The following BMPER variants were observed in gnomAD, a reference collection of about 807,000 sequenced individuals.
The protein encoded by BMPER is BMP-binding endothelial regulator protein.
BMPER carries 45 observed loss-of-function variants against 87.3 expected under a neutral mutation model. That is an observed-to-expected ratio of 0.52 (90% CI 0.41 to 0.66). The LOEUF (loss-of-function observed/expected upper bound fraction) is 0.66. Ranked by LOEUF, BMPER falls within the 30% of genes least tolerant of loss-of-function variation. The pLI is 0.00. For missense variants in BMPER, 784 were observed against 867.5 expected (o/e 0.90, Z 1.21); for synonymous variants, 326 against 316.2 (o/e 1.03, Z -0.33).
At chr7:34,085,461 A>C (rs578093474) in intron 12 of BMPER, among the ~76,000 whole-genome samples, 1 of 152,322 alleles carries the variant, frequency 6.6e-6, no homozygotes, top group East Asian at 1.9e-4. Context: ...TATAAACCCT[A>C]GAATAGGATG....
intron 6 of BMPER, among the ~76,000 whole-genome samples, chr7:34,024,371 A>AAC (rs1562695063): frequency 2.0e-5 from 2 of 98,088 alleles, no homozygotes; most frequent in Non-Finnish European, 3.7e-5. Flanking sequence ...AAAAAAAAAA[A>AAC]AAAAAAAAAA....
chr7:33,994,475 T>C lies in BMPER; in HGVS notation c.576+19691T>C, dbSNP rs375743323. Among the ~76,000 whole-genome samples, 437 of 152,274 alleles carry C rather than the reference T, an allele frequency of 2.9e-3. 3 individuals carry two copies. The highest frequency in any genetic ancestry group is 1.0e-2 in the African/African-American group (414 of 41,558). On this transcript the variant is annotated intron_variant, in intron 6 of 14. Coordinates refer to ENST00000649409, the MANE Select transcript of BMPER (RefSeq NM_001365308.1). Reference sequence around the variant, plus strand: ...AGTGAGGCAATGCCTCACCCTGCTTTGGCTCGCGCATGGTGCGCACACCCA... The same window carrying C: ...AGTGAGGCAATGCCTCACCCTGCTTCGGCTCGCGCATGGTGCGCACACCCA...
At chr7:33,928,002 C>T (rs946978190) in intron 2 of BMPER, among the ~76,000 whole-genome samples, 1 of 152,168 alleles carries the variant, frequency 6.6e-6, no homozygotes, top group Non-Finnish European at 1.5e-5. Context: ...AGGAAGCAGC[C>T]TGGCCTCCTG....
chr7:34,083,956 G>T (rs1338305578), intron 12 of BMPER, among the ~76,000 whole-genome samples: 2 of 146,842 alleles, frequency 1.4e-5, no homozygotes, highest in Non-Finnish European at 1.5e-5. Flanking sequence ...GCTCAAAACA[G>T]GCAAAATGAA....
At chr7:33,970,443 C>T in intron 5 of BMPER, 24 bp downstream of exon 5, 1 of 1,601,600 alleles carries the variant, frequency 6.2e-7, no homozygotes, top group Non-Finnish European at 8.6e-7. Context: ...GAAGGGGAGG[C>T]TGGAAATCTC....
chr7:33,997,990 C>T (rs2127932892), intron 6 of BMPER, among the ~76,000 whole-genome samples: 1 of 152,278 alleles, frequency 6.6e-6, no homozygotes, highest in South Asian at 2.1e-4. Context: ...TGCTGATGTG[C>T]TTTTTTCATT....
At chr7:34,027,554 C>T (rs1404870365) in intron 6 of BMPER, among the ~76,000 whole-genome samples, 3 of 151,966 alleles carry the variant, frequency 2.0e-5, no homozygotes, top group African/African-American at 7.2e-5. Flanking sequence ...AGAGGAAAAA[C>T]ACTTATGTGT....
rs555735216 is a variant in BMPER at position 33,912,208 on chromosome 7, T to C, written c.219+5305T>C. Reference sequence around the variant, plus strand: ...TGCAGAGTATTTACATCTCTATGCCTGTGGGGTCACCTTCACTTGTACTTT... The same window carrying C: ...TGCAGAGTATTTACATCTCTATGCCCGTGGGGTCACCTTCACTTGTACTTT... On this transcript the variant is annotated intron_variant, in intron 2 of 14. Coordinates refer to ENST00000649409, the MANE Select transcript of BMPER (RefSeq NM_001365308.1). 7.2e-5 allele frequency among the ~76,000 whole-genome samples: 11 copies of C among 152,318 alleles called. No individual in the cohort carries two copies. In the South Asian group the frequency reaches 2.1e-3, roughly 29 times the overall value.
intron 13 of BMPER, among the ~76,000 whole-genome samples, chr7:34,126,707 A>G (rs918224512): frequency 5.9e-5 from 9 of 152,120 alleles, no homozygotes; most frequent in African/African-American, 1.7e-4. Context: ...TTCAACCATT[A>G]TCTTTATATG....
intron 3 of BMPER, among the ~76,000 whole-genome samples, chr7:33,941,248 T>C (rs1179427784): frequency 3.4e-5 from 5 of 145,112 alleles, no homozygotes; most frequent in Admixed American, 7.1e-5. Context: ...ATTATATACA[T>C]TTTTATATAT....
intron 6 of BMPER, among the ~76,000 whole-genome samples, chr7:34,041,791 A>T (rs73329146): frequency 6.6e-6 from 1 of 152,126 alleles, no homozygotes; most frequent in African/African-American, 2.4e-5. Flanking sequence ...AAAAAAATAG[A>T]GAACTCTATT....
chr7:34,059,298 A>G (rs1788368532), intron 10 of BMPER, among the ~76,000 whole-genome samples: 1 of 152,156 alleles, frequency 6.6e-6, no homozygotes, highest in African/African-American at 2.4e-5. Flanking sequence ...TGGCTCAAGT[A>G]ACTAGCCTCA....
intron 13 of BMPER, among the ~76,000 whole-genome samples, chr7:34,099,264 C>A (rs528203969): frequency 3.9e-5 from 6 of 152,284 alleles, no homozygotes; most frequent in East Asian, 1.9e-4. Context: ...TTGACCCGGG[C>A]AGCACTTGTG....
rs1791110331 is a variant in BMPER at position 34,149,264 on chromosome 7, T to TTC, written c.1877-3827_1877-3826insCT. ...GGGTGGGCTGAGAAATAAATATTTTTTAAAGGCATATCAAGAGACTCTTAT... is the reference window on the plus strand; with the variant it reads ...GGGTGGGCTGAGAAATAAATATTTTTTCTAAAGGCATATCAAGAGACTCTTAT... On this transcript the variant is annotated intron_variant, in intron 14 of 14. Transcript: ENST00000649409. 5.9e-5 allele frequency among the ~76,000 whole-genome samples: 9 copies of TTC among 152,184 alleles called. No homozygotes were observed. In the South Asian group the frequency reaches 1.9e-3, roughly 32 times the overall value.
intron 14 of BMPER, among the ~76,000 whole-genome samples, chr7:34,149,372 C>G (rs1791113117): frequency 6.6e-6 from 1 of 152,072 alleles, no homozygotes; most frequent in African/African-American, 2.4e-5. Context: ...GTTAAAAGTA[C>G]TGTGGGTTGC....
At chr7:34,067,820 T>C (rs191268348) in intron 11 of BMPER, among the ~76,000 whole-genome samples, 31 of 152,356 alleles carry the variant, frequency 2.0e-4, no homozygotes, top group Admixed American at 3.9e-4. Flanking sequence ...GAAATCAGTC[T>C]GTCTTCTGTT....
intron 13 of BMPER, among the ~76,000 whole-genome samples, chr7:34,102,873 T>C (rs891455383): frequency 6.6e-6 from 1 of 152,098 alleles, no homozygotes; most frequent in African/African-American, 2.4e-5. Context: ...GGGGAGGAGA[T>C]GGAGAGCAAA....
At chr7:33,965,103 A>G (rs1785373198) in intron 3 of BMPER, among the ~76,000 whole-genome samples, 1 of 152,224 alleles carries the variant, frequency 6.6e-6, no homozygotes, top group East Asian at 1.9e-4. Flanking sequence ...TCGATTTGGC[A>G]TAAGTATTTG....
chr7:33,949,758 A>G (rs1585669306), intron 3 of BMPER, among the ~76,000 whole-genome samples: 1 of 152,168 alleles, frequency 6.6e-6, no homozygotes, highest in South Asian at 2.1e-4. Context: ...GAGGTTGTTA[A>G]TACGTTTTTC....
Sources: gnomAD v4.1 joint callset for allele counts (sites outside exome capture counted in the v4.1 genomes callset) on GRCh38, gnomAD v4.1.1 for gene constraint, MANE v1.5 for transcripts, NCBI Gene and HGNC (gene_info 2026-07-23, HGNC 2026-07-21) for gene names.